The following PDE3A variants were observed in gnomAD, a reference collection of about 807,000 sequenced individuals.
PDE3A encodes the protein cGMP-inhibited 3',5'-cyclic phosphodiesterase 3A.
Under a neutral mutation model 98.3 loss-of-function variants are expected in PDE3A, and 43 were observed. The ratio of observed to expected loss-of-function variants is 0.44; its 90% confidence interval spans 0.34 to 0.56. PDE3A has a LOEUF of 0.56. PDE3A is among the 20% of genes least tolerant of loss of function. The probability of loss-of-function intolerance (pLI) is 0.01; values close to 1 mark genes in which losing one functional copy is unlikely to be tolerated. For missense variants in PDE3A, 1,427 were observed against 1,440.7 expected (o/e 0.99, Z 0.15); for synonymous variants, 663 against 567.9 (o/e 1.17, Z -2.38).
chr12:20,458,308 A>G (rs1429649628), intron 1 of PDE3A, among the ~76,000 whole-genome samples: 1 of 148,286 alleles, frequency 6.7e-6, no homozygotes, highest in East Asian at 2.0e-4. Context: ...TGTTGCCACT[A>G]TTTCCTTGTT....
chr12:20,496,565 T>G (rs376819808), intron 1 of PDE3A, among the ~76,000 whole-genome samples: 48 of 146,266 alleles, frequency 3.3e-4, no homozygotes, highest in African/African-American at 1.2e-3. Flanking sequence ...CTCTGCTACC[T>G]CATGGGCCAA....
At chr12:20,510,673 G>A (rs1174614012) in intron 1 of PDE3A, among the ~76,000 whole-genome samples, 1 of 152,010 alleles carries the variant, frequency 6.6e-6, no homozygotes, top group Non-Finnish European at 1.5e-5. Flanking sequence ...GTCAACATGG[G>A]GTAGAGATGA....
At chr12:20,661,319 C>A (rs1306004187) in intron 15 of PDE3A, among the ~76,000 whole-genome samples, 6 of 152,154 alleles carry the variant, frequency 3.9e-5, no homozygotes, top group Non-Finnish European at 1.5e-5. Context: ...CATAAAAATT[C>A]AGAAAATTTG....
At chr12:20,515,984 G>A (rs1806682857) in intron 1 of PDE3A, among the ~76,000 whole-genome samples, 12 of 150,086 alleles carry the variant, frequency 8.0e-5, no homozygotes, top group Admixed American at 7.3e-4. Flanking sequence ...CGCCCGCCTC[G>A]GCCTCCCAAA....
intron 1 of PDE3A, among the ~76,000 whole-genome samples, chr12:20,404,826 G>GTTTTTTTTTTTTTTTT (rs60736941): frequency 1.1e-5 from 1 of 95,106 alleles, no homozygotes; most frequent in Non-Finnish European, 1.9e-5. Context: ...AGGTTACAGA[G>GTTTTTTTTTTTTTTTT]TTTTTTTTTT....
intron 1 of PDE3A, among the ~76,000 whole-genome samples, chr12:20,375,616 G>A (rs1943556363): frequency 6.6e-6 from 1 of 151,824 alleles, no homozygotes; most frequent in Non-Finnish European, 1.5e-5. Flanking sequence ...ATCCATAAAG[G>A]CCTTTGATCA....
Position 20,552,021 on chromosome 12 carries a change from G to A in PDE3A, c.961-4639G>A, listed in dbSNP as rs1448768793. The stretch of plus-strand genomic sequence containing the variant: ...GAGCGTACTCCCTAGTCCTGGCGGG[G>A]GGCTACGAGGATGACGTGGACCATG... On this transcript the variant is annotated intron_variant, in intron 1 of 15. Transcript: ENST00000359062. The surrounding 1 kb of genome is among the most constrained non-coding windows in gnomAD (Gnocchi z 5.1). The A allele has an allele frequency of 4.3e-6, 7 of 1,612,364 alleles. No individual in the cohort carries two copies. The African/African-American group carries it at 9.3e-5, about 22-fold the overall frequency.
At chr12:20,625,672 CACTT>C (rs1944245531) in intron 5 of PDE3A, among the ~76,000 whole-genome samples, 1 of 152,230 alleles carries the variant, frequency 6.6e-6, no homozygotes, top group South Asian at 2.1e-4. Context: ...CAGATGGATT[CACTT>C]AAATAATTCC....
chr12:20,667,546 A>G (rs1050081403), intron 15 of PDE3A, among the ~76,000 whole-genome samples: 1 of 152,168 alleles, frequency 6.6e-6, no homozygotes, highest in African/African-American at 2.4e-5. Flanking sequence ...TCTTCAATAT[A>G]TGTTCTTGGC....
chr12:20,570,367 C>T (rs1592067171), intron 2 of PDE3A, among the ~76,000 whole-genome samples: 1 of 129,890 alleles, frequency 7.7e-6, no homozygotes, highest in Non-Finnish European at 1.5e-5. Flanking sequence ...AAGATCATGC[C>T]ACTGCACTCC....
intron 1 of PDE3A, among the ~76,000 whole-genome samples, chr12:20,428,483 G>A (rs1343289395): frequency 1.3e-5 from 2 of 151,906 alleles, no homozygotes; most frequent in Non-Finnish European, 2.9e-5. Flanking sequence ...GGGTTTCACC[G>A]TGTTTGCCAG....
chr12:20,406,790 C>T (rs563640854), intron 1 of PDE3A, among the ~76,000 whole-genome samples: 10 of 152,098 alleles, frequency 6.6e-5, no homozygotes, highest in Admixed American at 4.6e-4. Context: ...CCAATACGAA[C>T]GTCTTTTTCT....
intron 4 of PDE3A, among the ~76,000 whole-genome samples, 187 bp downstream of exon 4, chr12:20,616,571 A>G (rs576269571): frequency 6.6e-6 from 1 of 152,298 alleles, no homozygotes; most frequent in East Asian, 1.9e-4. Flanking sequence ...TAGGCTTAAC[A>G]TCTGTTGTGT....
At chr12:20,662,363 T>C (rs1028655986) in intron 15 of PDE3A, among the ~76,000 whole-genome samples, 1 of 152,090 alleles carries the variant, frequency 6.6e-6, no homozygotes, top group African/African-American at 2.4e-5. Context: ...TAAAAGTCAC[T>C]CTTGTTTTGC....
chr12:20,680,552 G>A lies in PDE3A; in HGVS notation c.*281G>A, dbSNP rs1300913864. On this transcript the variant is annotated 3_prime_UTR_variant, in exon 16 of 16. Transcript: ENST00000359062. ...TATATAAGCTCCCACATAGATACAT[G>A]TAAAACATATTCACACCCATGCACG... 2 of 324,534 alleles carry A rather than the reference G, an allele frequency of 6.2e-6. No individual in the cohort carries two copies. Among genetic ancestry groups the A allele is most frequent in the Non-Finnish European group, 1.1e-5 (2 of 174,540 alleles). 20.1% of individuals were successfully genotyped at this position (324,534 alleles called of 1,614,324 possible). A position where few individuals can be genotyped will look rare whatever the true frequency, so the allele number is the denominator to read the frequency against.
intron 1 of PDE3A, among the ~76,000 whole-genome samples, chr12:20,526,009 T>C (rs1946511656): frequency 6.6e-6 from 1 of 152,224 alleles, no homozygotes; most frequent in Non-Finnish European, 1.5e-5. Context: ...TGAGGACTTT[T>C]GTTTCAAAGT....
In PDE3A at chr12:20,654,116, A is replaced by T. The variant is rs774385272; in HGVS notation, c.3095A>T (p.Glu1032Val). The T allele has an allele frequency of 6.2e-7, 1 of 1,614,088 alleles. No individual in the cohort carries two copies. The highest frequency in any genetic ancestry group is 8.5e-7 in the Non-Finnish European group (1 of 1,179,942). ...GGAAAATGGGTGGAAGACAGCGATG[A>T]GTCAGGAGATACTGATGACCCAGAA... The part of the protein sequence containing the change: ...MPGKWVEDSD[E>V]SGDTDDPEEE... Residue 1032 changes from glutamate to valine, a missense_variant, in exon 15 of 16, where the codon GAG becomes GTG. Coordinates refer to ENST00000359062, the MANE Select transcript of PDE3A (RefSeq NM_000921.5).
At chr12:20,504,006 T>C (rs1345677471) in intron 1 of PDE3A, among the ~76,000 whole-genome samples, 1 of 152,158 alleles carries the variant, frequency 6.6e-6, no homozygotes, top group Non-Finnish European at 1.5e-5. Context: ...GGATTGTTCA[T>C]ATCAGAATCT....
chr12:20,663,456 G>T (rs1378587078), intron 15 of PDE3A, among the ~76,000 whole-genome samples: 8 of 142,458 alleles, frequency 5.6e-5, no homozygotes, highest in Non-Finnish European at 1.1e-4. Flanking sequence ...GAGGGGAGGT[G>T]CTGTACCCTG....
Sources: allele counts gnomAD v4.1 joint callset (sites outside exome capture counted in the v4.1 genomes callset), GRCh38; gene constraint gnomAD v4.1.1; non-coding constraint Gnocchi (gnomAD v3.1); transcripts MANE v1.5; gene names NCBI Gene and HGNC (gene_info 2026-07-23, HGNC 2026-07-21).